The following MIGA2 variants were observed in gnomAD, a reference collection of about 807,000 sequenced individuals.
The protein encoded by MIGA2 is mitoguardin 2, also known as family with sequence similarity 73, member B.
In MIGA2, 36 loss-of-function variants were observed where a neutral mutation model predicts 69.9. That is an observed-to-expected ratio of 0.52 (90% CI 0.39 to 0.68). MIGA2 has a LOEUF of 0.68. Ranked by LOEUF, MIGA2 falls within the 30% of genes least tolerant of loss-of-function variation. The probability of loss-of-function intolerance (pLI) is 0.00; values close to 1 mark genes in which losing one functional copy is unlikely to be tolerated. For synonymous variants in MIGA2, 333 were observed against 349.2 expected (o/e 0.95, Z 0.52); for missense variants, 660 against 787.7 (o/e 0.84, Z 1.94).
chr9:129,040,407 C>T, intron 1 of MIGA2, 45 bp from the exon 2 acceptor site: 1 of 1,314,558 alleles, frequency 7.6e-7, no homozygotes, highest in South Asian at 1.9e-5. Flanking sequence ...TCTGCATGTT[C>T]CCGTGTGCAC....
chr9:129,067,681 C>A (rs999567629), intron 11 of MIGA2, 92 bp from the exon 12 acceptor site: 1 of 1,183,328 alleles, frequency 8.5e-7, no homozygotes, highest in Admixed American at 2.1e-5. Context: ...GGATGGGCCC[C>A]AGCCGTGCCT....
chr9:129,055,515 T>C (rs1845749576), intron 6 of MIGA2, among the ~76,000 whole-genome samples: 1 of 152,142 alleles, frequency 6.6e-6, no homozygotes, highest in African/African-American at 2.4e-5. Flanking sequence ...TTTCAAATTG[T>C]CATAAATTTC....
chr9:129,056,723 A>C (rs1360987667), intron 6 of MIGA2, among the ~76,000 whole-genome samples: 1 of 151,910 alleles, frequency 6.6e-6, no homozygotes, highest in African/African-American at 2.4e-5. Flanking sequence ...TTCACCAAGT[A>C]GACCAGGCTG....
At chr9:129,049,706 C>A in intron 5 of MIGA2, 121 bp from the exon 6 acceptor site, 2 of 1,496,730 alleles carry the variant, frequency 1.3e-6, no homozygotes, top group Non-Finnish European at 1.8e-6. Context: ...GCAGCCCAGG[C>A]CACACGGTCC....
intron 1 of MIGA2, among the ~76,000 whole-genome samples, chr9:129,038,983 C>T (rs1844745894): frequency 1.3e-5 from 2 of 151,064 alleles, no homozygotes; most frequent in South Asian, 2.1e-4. Context: ...TTAGTAGAGA[C>T]GGGGTTTCAC....
chr9:129,051,353 G>T (rs1232748989), intron 6 of MIGA2: 1 of 157,174 alleles, frequency 6.4e-6, no homozygotes, highest in African/African-American at 2.6e-5. Context: ...TCTCGGCTCA[G>T]TGCAACCTCC....
At chr9:129,053,381 G>A (rs78445358) in intron 6 of MIGA2, among the ~76,000 whole-genome samples, 1 of 124,222 alleles carries the variant, frequency 8.1e-6, no homozygotes, top group African/African-American at 3.1e-5. Flanking sequence ...TTTTTTTTTT[G>A]AGACGGAGTT....
chr9:129,063,931 G>T (rs1028860272), intron 11 of MIGA2, among the ~76,000 whole-genome samples: 2 of 152,182 alleles, frequency 1.3e-5, no homozygotes, highest in South Asian at 4.1e-4. Context: ...GCCACACGAG[G>T]CCTCCATTCC....
In MIGA2 at chr9:129,069,817, C is replaced by T. The variant is rs748621442; in HGVS notation, c.1459-32C>T. 74 of 1,522,424 alleles carry T rather than the reference C, an allele frequency of 4.9e-5. No individual in the cohort carries two copies. Among genetic ancestry groups the T allele is most frequent in the Admixed American group, 2.8e-4 (17 of 59,884 alleles). The allele number at this position is 1,522,424 out of a possible 1,614,324, so 94.3% of individuals were successfully genotyped here. ...TGGTGCCCTCATCCTACCTGGGCCC[C>T]GCCTGGCCCCTCAGCCTTGTGCCCA... On this transcript the variant is annotated intron_variant, in intron 14 of 15. Transcript: ENST00000684074. This position sits in a 1 kb window ranked among gnomAD's most constrained non-coding sequence, Gnocchi z 4.9.
chr9:129,042,520 T>A lies in MIGA2; in HGVS notation c.307+6T>A. ...GGTCCCTTCAGTGAAGAAAGGTAGG[T>A]GTGAGGTGGTGGGCATAGGCCTGAC... On this transcript the variant is annotated splice_donor_region_variant and intron_variant, in intron 3 of 15. Transcript: ENST00000684074. The A allele has an allele frequency of 6.4e-7, 1 of 1,551,806 alleles. No individual in the cohort carries two copies. The highest frequency in any genetic ancestry group is 8.7e-7 in the Non-Finnish European group (1 of 1,150,762).
At chr9:129,040,393 C>A in intron 1 of MIGA2, 59 bp from the exon 2 acceptor site, 1 of 1,243,652 alleles carries the variant, frequency 8.0e-7, no homozygotes, top group Non-Finnish European at 1.1e-6. Flanking sequence ...TTCTTGAGTG[C>A]ATTTCTGCAT....
At chr9:129,041,152 T>C (rs949150626) in intron 2 of MIGA2, among the ~76,000 whole-genome samples, 1 of 152,132 alleles carries the variant, frequency 6.6e-6, no homozygotes, top group Non-Finnish European at 1.5e-5. Flanking sequence ...CTGACCAATA[T>C]GGTGAAACGC....
At position 129,070,000 on chromosome 9, in the gene MIGA2, C is replaced by T; in HGVS notation, c.1575+35C>T. 6.6e-7 allele frequency: 1 copy of T among 1,520,274 alleles called. No homozygotes were observed. Among genetic ancestry groups the T allele is most frequent in the Non-Finnish European group, 8.9e-7 (1 of 1,119,646 alleles). The allele number at this position is 1,520,274 out of a possible 1,614,324, so 94.2% of individuals were successfully genotyped here. A position where few individuals can be genotyped will look rare whatever the true frequency, so the allele number is the denominator to read the frequency against. Reference sequence around the variant, plus strand: ...GAGCAGTTCTCGTTCTTTCCTGACCCTTGCCCTGAGCACAGGCGCCCTGGG... The same window carrying T: ...GAGCAGTTCTCGTTCTTTCCTGACCTTTGCCCTGAGCACAGGCGCCCTGGG... On this transcript the variant is annotated intron_variant, in intron 15 of 15. Coordinates refer to ENST00000684074, the MANE Select transcript of MIGA2 (RefSeq NM_001329990.2). This position sits in a 1 kb window ranked among gnomAD's most constrained non-coding sequence, Gnocchi z 4.9.
At chr9:129,054,194 G>GTAATC (rs1845686869) in intron 6 of MIGA2, among the ~76,000 whole-genome samples, 1 of 152,094 alleles carries the variant, frequency 6.6e-6, no homozygotes, top group Admixed American at 6.6e-5. Flanking sequence ...GCTCATACCT[G>GTAATC]TAATCCCAGT....
At position 129,068,596 on chromosome 9, in the gene MIGA2, G is replaced by T. The variant is rs542023611; in HGVS notation, c.1404+264G>T. The T allele has an allele frequency of 1.0e-5, 5 of 494,700 alleles. No homozygotes were observed. The highest frequency in any genetic ancestry group is 1.8e-5 in the Non-Finnish European group (5 of 275,732). 30.6% of individuals were successfully genotyped at this position (494,700 alleles called of 1,614,324 possible). On this transcript the variant is annotated intron_variant, in intron 13 of 15. Transcript: ENST00000684074. This position sits in a 1 kb window ranked among gnomAD's most constrained non-coding sequence, Gnocchi z 4.1. ...TTTACTTTTGTGCTGGTATGAATTC[G>T]ATTCCATTTTAATGCATCCTGTTAA...
intron 3 of MIGA2, among the ~76,000 whole-genome samples, chr9:129,045,862 T>C (rs570855035): frequency 6.6e-6 from 1 of 151,960 alleles, no homozygotes; most frequent in Non-Finnish European, 1.5e-5. Context: ...TTTTTTTTTT[T>C]GGTTTTTTTT....
chr9:129,063,258 G>T lies in MIGA2; in HGVS notation c.1025G>T (p.Gly342Val), dbSNP rs1328927325. The change falls in exon 10 of 16, where the codon GGC (glycine) becomes GTC (valine). Residue 342 changes from glycine to valine, a missense_variant. This residue lies in a region of MIGA2 where 386 missense variants were observed against 402.0 expected (regional missense o/e 0.96). Coordinates refer to ENST00000684074, the MANE Select transcript of MIGA2 (RefSeq NM_001329990.2). ...PCRTLRTELL[G>V]CYSDQDFLAK... Reference sequence around the variant, plus strand: ...CCTCCCCTCAGGACGGAGCTGCTGGGCTGCTACAGTGACCAGGACTTTCTG... The same window carrying T: ...CCTCCCCTCAGGACGGAGCTGCTGGTCTGCTACAGTGACCAGGACTTTCTG... The T allele has an allele frequency of 6.2e-7, 1 of 1,613,960 alleles. No homozygotes were observed. The highest frequency in any genetic ancestry group is 8.5e-7 in the Non-Finnish European group (1 of 1,180,006).
At chr9:129,049,572 A>G in intron 5 of MIGA2, 74 bp downstream of exon 5, 1 of 1,482,540 alleles carries the variant, frequency 6.7e-7, no homozygotes, top group Non-Finnish European at 9.3e-7. Context: ...GAGCTTGGCC[A>G]GTCTTGGGTC....
Position 129,056,520 on chromosome 9 carries a change from CT to C in MIGA2, c.676-2618del, listed in dbSNP as rs777582517. 4.4e-3 allele frequency among the ~76,000 whole-genome samples: 628 copies of C among 141,878 alleles called. 1 individual carries two copies. The highest frequency in any genetic ancestry group is 5.5e-3 in the African/African-American group (213 of 38,850). 93.1% of individuals were successfully genotyped at this position (141,878 alleles called of 152,430 possible). ...TTTAGAATAAATACTGTAATAATGA[CT>C]TTTTTTTTTTTTTTTAAGACGGACT... is the stretch of plus-strand genomic sequence containing the variant. On this transcript the variant is annotated intron_variant, in intron 6 of 15. Transcript: ENST00000684074.
Sources: allele counts gnomAD v4.1 joint callset (sites outside exome capture counted in the v4.1 genomes callset), GRCh38; gene constraint gnomAD v4.1.1; regional missense constraint gnomAD v4.1.1; non-coding constraint Gnocchi (gnomAD v3.1); transcripts MANE v1.5; gene names NCBI Gene and HGNC (gene_info 2026-07-23, HGNC 2026-07-21).